The following RASGRF2 variants were observed in gnomAD, a reference collection of about 807,000 sequenced individuals.
The protein encoded by RASGRF2 is Ras protein specific guanine nucleotide releasing factor 2, also known as ras-specific guanine nucleotide-releasing factor 2.
A neutral mutation model predicts 151.0 loss-of-function variants in RASGRF2; 76 were observed. That is an observed-to-expected ratio of 0.50 (90% CI 0.42 to 0.61). The LOEUF (loss-of-function observed/expected upper bound fraction) is 0.61, where lower values mean the gene tolerates loss of function less well. RASGRF2 is among the 20% of genes least tolerant of loss of function. The probability of loss-of-function intolerance (pLI) is 0.00; values close to 1 mark genes in which losing one functional copy is unlikely to be tolerated. For missense variants in RASGRF2, 1,148 were observed against 1,564.6 expected, an observed-to-expected ratio of 0.73 and a Z score of 4.49; for synonymous variants, 504 against 566.5, an observed-to-expected ratio of 0.89 and a Z score of 1.57.
chr5:81,033,729 T>G (rs1026429574), intron 1 of RASGRF2, among the ~76,000 whole-genome samples: 10 of 152,210 alleles, frequency 6.6e-5, no homozygotes, highest in Non-Finnish European at 7.3e-5. Flanking sequence ...ATTCAGGACA[T>G]AGGCATGGGC....
chr5:81,039,684 G>C (rs1561571989), intron 1 of RASGRF2, among the ~76,000 whole-genome samples: 1 of 152,006 alleles, frequency 6.6e-6, no homozygotes, highest in Non-Finnish European at 1.5e-5. Context: ...CAACCATAGA[G>C]GTTGTAAATA....
At chr5:81,028,086 G>A (rs1296881257) in intron 1 of RASGRF2, among the ~76,000 whole-genome samples, 2 of 152,030 alleles carry the variant, frequency 1.3e-5, no homozygotes, top group Non-Finnish European at 2.9e-5. Flanking sequence ...TTCTGGTCTG[G>A]GATTCTTGAG....
intron 26 of RASGRF2, among the ~76,000 whole-genome samples, chr5:81,222,801 C>T (rs1394610431): frequency 6.6e-6 from 1 of 151,904 alleles, no homozygotes; most frequent in Non-Finnish European, 1.5e-5. Flanking sequence ...TTCACCACGG[C>T]AATGAAGCAA....
At chr5:81,074,499 A>G (rs1301250020) in intron 5 of RASGRF2, among the ~76,000 whole-genome samples, 1 of 152,162 alleles carries the variant, frequency 6.6e-6, no homozygotes, top group Non-Finnish European at 1.5e-5. Context: ...TTCTATACGT[A>G]ATATCTGTAC....
intron 15 of RASGRF2, among the ~76,000 whole-genome samples, chr5:81,121,752 G>T (rs753314737): frequency 1.6e-4 from 25 of 152,104 alleles, no homozygotes; most frequent in Admixed American, 8.5e-4. Flanking sequence ...CAGATATCCA[G>T]ATTCCACCCA....
At chr5:81,094,749 C>A in intron 11 of RASGRF2, 107 bp from the exon 12 acceptor site, 2 of 1,237,298 alleles carry the variant, frequency 1.6e-6, no homozygotes, top group Admixed American at 2.1e-5. Flanking sequence ...AAATGAGAGT[C>A]CCGATTTGAG....
At chr5:81,049,669 C>G (rs1014039160) in intron 2 of RASGRF2, among the ~76,000 whole-genome samples, 1 of 151,868 alleles carries the variant, frequency 6.6e-6, no homozygotes, top group African/African-American at 2.4e-5. Flanking sequence ...AATACTTTCT[C>G]TGCTAAATAC....
At chr5:80,976,665 C>T (rs1748124528) in intron 1 of RASGRF2, among the ~76,000 whole-genome samples, 1 of 152,160 alleles carries the variant, frequency 6.6e-6, no homozygotes, top group Admixed American at 6.5e-5. Flanking sequence ...ACTTGCAGCT[C>T]AGGCTTCCTT....
In RASGRF2 at chr5:81,203,752, G is replaced by A. The variant is rs943871280; in HGVS notation, c.2906+2310G>A. On this transcript the variant is annotated intron_variant, in intron 19 of 26. Coordinates refer to ENST00000265080, the MANE Select transcript of RASGRF2 (RefSeq NM_006909.3). Reference sequence around the variant, plus strand: ...GGACTCATAATAGCTACTTCATTAGGTTGTTGTGAAGAGTACATGATGTGA... The same window carrying A: ...GGACTCATAATAGCTACTTCATTAGATTGTTGTGAAGAGTACATGATGTGA... Among the ~76,000 whole-genome samples, 7 of 152,294 alleles carry A rather than the reference G, an allele frequency of 4.6e-5. No individual in the cohort carries two copies. In the South Asian group the frequency reaches 1.0e-3, roughly 23 times the overall value.
At chr5:81,053,378 T>C (rs1008915557) in intron 2 of RASGRF2, among the ~76,000 whole-genome samples, 3 of 150,476 alleles carry the variant, frequency 2.0e-5, no homozygotes, top group African/African-American at 7.3e-5. Flanking sequence ...ATGCGGTGTT[T>C]GGTTTTTTGC....
At chr5:81,187,315 G>C (rs1755047039) in intron 18 of RASGRF2, among the ~76,000 whole-genome samples, 1 of 152,140 alleles carries the variant, frequency 6.6e-6, no homozygotes, top group African/African-American at 2.4e-5. Context: ...TTATTGAATG[G>C]AATTAAATGT....
In RASGRF2 at chr5:80,976,396, G is replaced by A. The variant is rs185852563; in HGVS notation, c.288+15370G>A. Among the ~76,000 whole-genome samples, 93 of 152,284 alleles carry A rather than the reference G, an allele frequency of 6.1e-4. 1 individual carries two copies. The highest frequency in any genetic ancestry group is 7.2e-4 in the Non-Finnish European group (49 of 68,026). On this transcript the variant is annotated intron_variant, in intron 1 of 26. Coordinates refer to ENST00000265080, the MANE Select transcript of RASGRF2 (RefSeq NM_006909.3). ...CAAACCTTTACGAAATGGCAAACCT[G>A]GTTAATAGAACCAAAATTAATAACA...
chr5:81,145,918 G>A (rs986058932), intron 17 of RASGRF2, among the ~76,000 whole-genome samples: 9 of 152,226 alleles, frequency 5.9e-5, no homozygotes, highest in African/African-American at 2.2e-4. Context: ...TGGTATCACA[G>A]TAGCCAGTAA....
intron 15 of RASGRF2, 84 bp from the exon 16 acceptor site, chr5:81,123,558 G>T: frequency 6.8e-7 from 1 of 1,470,192 alleles, no homozygotes; most frequent in South Asian, 1.3e-5. Context: ...TATCTGTAAT[G>T]AACTTTTGTT....
At chr5:81,054,899 G>A (rs570646048) in intron 2 of RASGRF2, among the ~76,000 whole-genome samples, 46 of 151,954 alleles carry the variant, frequency 3.0e-4, no homozygotes, top group African/African-American at 1.1e-3. Flanking sequence ...TTGTGAATGG[G>A]AGTTCACTCA....
intron 2 of RASGRF2, among the ~76,000 whole-genome samples, chr5:81,061,985 G>T (rs1751448650): frequency 8.3e-6 from 1 of 120,082 alleles, no homozygotes; most frequent in Non-Finnish European, 1.6e-5. Flanking sequence ...CACCACACCT[G>T]ATCCCAGCTG....
intron 1 of RASGRF2, among the ~76,000 whole-genome samples, chr5:81,026,336 C>T (rs546625445): frequency 5.9e-5 from 9 of 151,968 alleles, no homozygotes; most frequent in South Asian, 2.1e-4. Flanking sequence ...TCTACTTAAG[C>T]TCCCTCAGTG....
intron 17 of RASGRF2, among the ~76,000 whole-genome samples, chr5:81,176,942 A>G (rs1170820748): frequency 6.6e-6 from 1 of 151,818 alleles, no homozygotes; most frequent in Non-Finnish European, 1.5e-5. Flanking sequence ...TTTCCCTGTT[A>G]CGTTCTTTTA....
intron 17 of RASGRF2, among the ~76,000 whole-genome samples, chr5:81,140,265 A>G (rs1292539144): frequency 3.9e-5 from 6 of 152,190 alleles, no homozygotes; most frequent in Admixed American, 3.9e-4. Flanking sequence ...CAACAGATTC[A>G]GGACACCTTT....
Sources: allele counts gnomAD v4.1 joint callset (sites outside exome capture counted in the v4.1 genomes callset), GRCh38; gene constraint gnomAD v4.1.1; transcripts MANE v1.5; gene names NCBI Gene and HGNC (gene_info 2026-07-23, HGNC 2026-07-21).